TENM4: variants seen among roughly 807,000 people sequenced by gnomAD.
TENM4 encodes the protein teneurin transmembrane protein 4.
Under a neutral mutation model 243.3 loss-of-function variants are expected in TENM4, and 82 were observed. The ratio of observed to expected loss-of-function variants is 0.34; its 90% CI spans 0.28 to 0.40. The LOEUF is 0.40. Ranked by LOEUF, TENM4 falls within the 10% of genes least tolerant of loss-of-function variation. The pLI is 1.00. For missense variants in TENM4, 3,138 were observed against 3,673.3 expected, an observed-to-expected ratio of 0.85 and a Z score of 3.77; for synonymous variants, 1,412 against 1,456.3, an observed-to-expected ratio of 0.97 and a Z score of 0.69.
chr11:79,265,475 A>G (rs1855868444), intron 2 of TENM4, among the ~76,000 whole-genome samples: 1 of 152,258 alleles, frequency 6.6e-6, no homozygotes, highest in Non-Finnish European at 1.5e-5. Context: ...AAATTTTTAA[A>G]CAAATTACAT....
rs1033446536 is a variant in TENM4 at position 78,699,904 on chromosome 11, G to A, written c.5087+1622C>T. 2.6e-5 allele frequency among the ~76,000 whole-genome samples: 4 copies of A among 152,302 alleles called. No individual in the cohort carries two copies. The East Asian group carries it at 7.7e-4, about 29-fold the overall frequency. Reference sequence around the variant, plus strand: ...TGTATTGGCTAAATAATGTATAAGAGATTTCCATCGGGCAATGGGCAAAAT... The same window carrying A: ...TGTATTGGCTAAATAATGTATAAGAAATTTCCATCGGGCAATGGGCAAAAT... On this transcript the variant is annotated intron_variant, in intron 28 of 33. Transcript: ENST00000278550.
At chr11:78,859,091 A>G (rs930521600) in intron 10 of TENM4, among the ~76,000 whole-genome samples, 2 of 152,188 alleles carry the variant, frequency 1.3e-5, no homozygotes, top group Admixed American at 6.5e-5. Flanking sequence ...GGGTGCATTG[A>G]CCTTCTTAAA....
At chr11:78,865,895 T>C (rs1858962505) in intron 9 of TENM4, among the ~76,000 whole-genome samples, 1 of 152,252 alleles carries the variant, frequency 6.6e-6, no homozygotes, top group African/African-American at 2.4e-5. Context: ...CTTCAAAACA[T>C]TGTTGTACCT....
intron 9 of TENM4, among the ~76,000 whole-genome samples, chr11:78,865,744 C>T (rs551185893): frequency 3.4e-4 from 52 of 152,306 alleles, no homozygotes; most frequent in African/African-American, 1.2e-3. Context: ...GTGAAAGCAA[C>T]GAGATCCGAC....
At chr11:79,034,138 T>C (rs1859314594) in intron 6 of TENM4, among the ~76,000 whole-genome samples, 1 of 152,226 alleles carries the variant, frequency 6.6e-6, no homozygotes, top group Non-Finnish European at 1.5e-5. Context: ...TTTTGCAAAC[T>C]GCAGAGCGAC....
intron 12 of TENM4, among the ~76,000 whole-genome samples, chr11:78,838,671 G>C (rs934896456): frequency 2.0e-4 from 30 of 152,196 alleles, no homozygotes; most frequent in Admixed American, 5.9e-4. Flanking sequence ...GTACATGTAA[G>C]AAAAATGGAG....
chr11:78,910,478 G>A (rs936299895), intron 6 of TENM4, among the ~76,000 whole-genome samples: 1 of 152,206 alleles, frequency 6.6e-6, no homozygotes, highest in African/African-American at 2.4e-5. Context: ...TATGAAGGCC[G>A]GAAAGCTCTT....
At chr11:79,156,853 C>A (rs1177162568) in intron 3 of TENM4, among the ~76,000 whole-genome samples, 1 of 152,096 alleles carries the variant, frequency 6.6e-6, no homozygotes, top group Non-Finnish European at 1.5e-5. Flanking sequence ...TCAAATATGC[C>A]CCCAAGTAAC....
At chr11:79,313,148 C>T (rs1035915755) in intron 1 of TENM4, among the ~76,000 whole-genome samples, 1 of 152,204 alleles carries the variant, frequency 6.6e-6, no homozygotes, top group Non-Finnish European at 1.5e-5. Context: ...GACCCATTTT[C>T]AGGCATGCAA....
In TENM4 at chr11:79,114,784, T is replaced by C. The variant is rs374489670; in HGVS notation, c.-66+33926A>G. The stretch of plus-strand genomic sequence containing the variant: ...TCCAATTATACAGGACAGAGCAACA[T>C]AGAAGCCCTCTGGATTGTTGTGTCT... On this transcript the variant is annotated intron_variant, in intron 4 of 33. Transcript: ENST00000278550. Among the ~76,000 whole-genome samples the C allele has an allele frequency of 9.2e-4, 140 of 152,296 alleles. 2 individuals are homozygous for C. Among genetic ancestry groups the C allele is most frequent in the African/African-American group, 3.3e-3 (137 of 41,544 alleles).
chr11:78,758,716 A>C (rs1856366982), intron 18 of TENM4, among the ~76,000 whole-genome samples: 2 of 152,310 alleles, frequency 1.3e-5, no homozygotes, highest in South Asian at 4.1e-4. Flanking sequence ...TAAATTAGTA[A>C]CAAAAAGCCT....
chr11:79,360,553 T>C (rs1450529334), intron 1 of TENM4, among the ~76,000 whole-genome samples: 2 of 152,152 alleles, frequency 1.3e-5, no homozygotes, highest in African/African-American at 4.8e-5. Flanking sequence ...AAATCAAGGA[T>C]ATAAAATCAG....
intron 6 of TENM4, among the ~76,000 whole-genome samples, chr11:78,933,313 G>A (rs1164915345): frequency 6.6e-6 from 1 of 152,162 alleles, no homozygotes; most frequent in Non-Finnish European, 1.5e-5. Context: ...GCACCCAGCT[G>A]GGGCTCAGGA....
intron 3 of TENM4, among the ~76,000 whole-genome samples, chr11:79,168,678 C>A (rs1862973155): frequency 6.6e-6 from 1 of 152,102 alleles, no homozygotes; most frequent in Admixed American, 6.5e-5. Flanking sequence ...CAATTCTTCC[C>A]CCCTTATATC....
Position 78,672,077 on chromosome 11 carries a change from T to A in TENM4, c.5749A>T (p.Ile1917Phe). 1 of 1,613,992 alleles carries A rather than the reference T, an allele frequency of 6.2e-7. No homozygotes were observed. Among genetic ancestry groups the A allele is most frequent in the Non-Finnish European group, 8.5e-7 (1 of 1,179,898 alleles). Residue 1917 changes from isoleucine (I) to phenylalanine (F), a missense_variant, in exon 31 of 34, where the codon ATC (isoleucine) becomes TTC (phenylalanine). Around this residue, in one of 2 missense-constraint regions of TENM4, gnomAD observed 2,467 missense variants for 3,059.1 expected, o/e 0.81. Transcript: ENST00000278550. ...CTCCATGTCTTCCCATCAGCGAAGA[T>A]CCTGGATGTGATGCGGCCCGCCTGG... ...YDQAGRITSRIFADGKTWSYT... is the reference protein window; with the variant it reads ...YDQAGRITSRFFADGKTWSYT...
At chr11:78,925,663 G>A (rs1380884137) in intron 6 of TENM4, among the ~76,000 whole-genome samples, 3 of 152,090 alleles carry the variant, frequency 2.0e-5, no homozygotes, top group Admixed American at 1.3e-4. Flanking sequence ...GCCATGGGAG[G>A]AATGTTCCAG....
At chr11:78,856,407 AT>A (rs1858683213) in intron 10 of TENM4, among the ~76,000 whole-genome samples, 1 of 151,930 alleles carries the variant, frequency 6.6e-6, no homozygotes, top group Admixed American at 6.6e-5. Context: ...AAAAATATGC[AT>A]TCTTCCAAAG....
At chr11:79,005,649 G>A (rs7111446) in intron 6 of TENM4, among the ~76,000 whole-genome samples, 138 of 152,124 alleles carry the variant, frequency 9.1e-4, no homozygotes, top group African/African-American at 3.1e-3. Context: ...CACTGAATGG[G>A]CAAAAACTTG....
intron 3 of TENM4, among the ~76,000 whole-genome samples, chr11:79,196,519 G>A (rs531434278): frequency 7.7e-4 from 117 of 152,242 alleles, no homozygotes; most frequent in Middle Eastern, 6.8e-3. Flanking sequence ...CCGACCTATC[G>A]GGGTGTTGTG....
Sources: gnomAD v4.1 joint callset for allele counts (sites outside exome capture counted in the v4.1 genomes callset) on GRCh38, gnomAD v4.1.1 for gene constraint, gnomAD v4.1.1 regional missense constraint, MANE v1.5 for transcripts, NCBI Gene and HGNC (gene_info 2026-07-23, HGNC 2026-07-21) for gene names.